The following CMC2 variants were observed in gnomAD, a reference collection of about 807,000 sequenced individuals.
The protein encoded by CMC2 is COX assembly mitochondrial protein 2 homolog.
A neutral mutation model predicts 7.5 loss-of-function variants in CMC2; 5 were observed. That is an observed-to-expected ratio of 0.66 (90% CI 0.35 to 1.40). The LOEUF is 1.40. Among genes scored for constraint, CMC2 ranks in the 40% most tolerant of loss-of-function variants. CMC2 has a pLI of 0.04. For missense variants in CMC2, 115 were observed against 92.3 expected (o/e 1.25, Z -1.01); for synonymous variants, 37 against 31.4 (o/e 1.18, Z -0.60).
rs1006967379 is a variant in CMC2 at position 80,971,887 on chromosome 16, G to C, written c.*4206C>G. ...ACAAAAAAGGTCCTTTACAGGATTT[G>C]GGCAATCTTCCCTTTTGCTCACTTC... is the stretch of plus-strand genomic sequence containing the variant. On this transcript the variant is annotated 3_prime_UTR_variant, in exon 4 of 4. Transcript: ENST00000219400. 1.3e-5 allele frequency: 2 copies of C among 152,084 alleles called. No homozygotes were observed. Among genetic ancestry groups the C allele is most frequent in the African/African-American group, 4.8e-5 (2 of 41,394 alleles). 9.4% of individuals were successfully genotyped at this position (152,084 alleles called of 1,614,324 possible). A position where few individuals can be genotyped will look rare whatever the true frequency, so the allele number is the denominator to read the frequency against.
intron 3 of CMC2, among the ~76,000 whole-genome samples, chr16:80,979,897 T>C (rs940043243): frequency 6.6e-6 from 1 of 152,174 alleles, no homozygotes; most frequent in Non-Finnish European, 1.5e-5. Flanking sequence ...GCTGGGATTA[T>C]AGGCGTGGGC....
chr16:80,972,837 C>A lies in CMC2; in HGVS notation c.*3256G>T, dbSNP rs1178056522. On this transcript the variant is annotated 3_prime_UTR_variant, in exon 4 of 4. Transcript: ENST00000219400. ...GAAAGCCAGACTCCCTAAGAGGACA[C>A]AGATGGTCCTTCGTGATGTGAACCG... The A allele has an allele frequency of 3.9e-5, 6 of 152,280 alleles. No individual in the cohort carries two copies. Among genetic ancestry groups the A allele is most frequent in the Admixed American group, 1.3e-4 (2 of 15,276 alleles). 9.4% of individuals were successfully genotyped at this position (152,280 alleles called of 1,614,324 possible). A position where few individuals can be genotyped will look rare whatever the true frequency, so the allele number is the denominator to read the frequency against.
At chr16:81,006,548 C>A (rs563480587) in intron 1 of CMC2, 186 bp downstream of exon 1, 198 of 263,360 alleles carry the variant, frequency 7.5e-4, no homozygotes, top group South Asian at 5.8e-3. Flanking sequence ...AGCGAGCGCC[C>A]AGCCACCTCG....
At chr16:80,984,341 T>C (rs1967359639) in intron 2 of CMC2, among the ~76,000 whole-genome samples, 1 of 152,236 alleles carries the variant, frequency 6.6e-6, no homozygotes, top group African/African-American at 2.4e-5. Context: ...TCTTTTCCTT[T>C]TCGTTCTAAT....
At chr16:80,997,178 A>C in intron 2 of CMC2, 136 bp downstream of exon 2, 1 of 640,646 alleles carries the variant, frequency 1.6e-6, no homozygotes, top group South Asian at 1.8e-5. Flanking sequence ...GCACATATCA[A>C]CTGCTAATCT....
intron 2 of CMC2, chr16:80,988,499 G>A (rs1400058741): frequency 1.4e-6 from 1 of 690,218 alleles, no homozygotes; most frequent in Non-Finnish European, 2.6e-6. Context: ...TTTCCAAATA[G>A]TAACATTTCA....
chr16:80,993,431 G>A (rs1968164979), intron 2 of CMC2, among the ~76,000 whole-genome samples: 1 of 152,180 alleles, frequency 6.6e-6, no homozygotes, highest in Admixed American at 6.5e-5. Context: ...GAATTTGTGA[G>A]GTAGAGATAA....
intron 3 of CMC2, among the ~76,000 whole-genome samples, chr16:80,978,864 A>AGG: frequency 6.6e-6 from 1 of 152,234 alleles, no homozygotes; most frequent in South Asian, 2.1e-4. Flanking sequence ...GGCGGATAAC[A>AGG]AGCTCAGAAG....
intron 1 of CMC2, among the ~76,000 whole-genome samples, chr16:81,002,027 G>C (rs1199869638): frequency 6.6e-6 from 1 of 152,172 alleles, no homozygotes; most frequent in Non-Finnish European, 1.5e-5. Flanking sequence ...GTTTCATACA[G>C]TTCAGCAATT....
At chr16:80,984,574 A>C (rs1352999794) in intron 2 of CMC2, among the ~76,000 whole-genome samples, 1 of 150,820 alleles carries the variant, frequency 6.6e-6, no homozygotes, top group Non-Finnish European at 1.5e-5. Context: ...TTTGTACTTA[A>C]TTTTTATTTT....
In CMC2 at chr16:80,970,003, T is replaced by C. The variant is rs138703178; in HGVS notation, c.*6090A>G. On this transcript the variant is annotated 3_prime_UTR_variant, in exon 4 of 4. Coordinates refer to ENST00000219400, the MANE Select transcript of CMC2 (RefSeq NM_020188.5). ...GACTAGGGAGATATTAACACAAGAC[T>C]AGCGGTGAGCATTAAGTATGTCTTT... The C allele has an allele frequency of 1.3e-5, 2 of 152,268 alleles. No homozygotes were observed. The highest frequency in any genetic ancestry group is 3.9e-4 in the East Asian group (2 of 5,184). 9.4% of individuals were successfully genotyped at this position (152,268 alleles called of 1,614,324 possible).
chr16:80,982,943 A>G (rs1026539159), intron 2 of CMC2: 3 of 183,738 alleles, frequency 1.6e-5, no homozygotes, highest in Non-Finnish European at 3.3e-5. Flanking sequence ...AAGTAATGAC[A>G]TTACAGGAAA....
At chr16:80,999,579 T>C (rs1776301890) in intron 1 of CMC2, among the ~76,000 whole-genome samples, 1 of 152,144 alleles carries the variant, frequency 6.6e-6, no homozygotes, top group South Asian at 2.1e-4. Context: ...AAAATTCATA[T>C]GGAACCAAAA....
intron 2 of CMC2, among the ~76,000 whole-genome samples, chr16:80,985,842 G>A (rs972857343): frequency 2.1e-5 from 3 of 139,726 alleles, no homozygotes; most frequent in African/African-American, 8.0e-5. Flanking sequence ...AATGCACTAA[G>A]CTCAGCAAAG....
rs563451757 is a variant in CMC2, at chr16:80,966,762, T to A, written c.*9331A>T. 3.9e-5 allele frequency: 6 copies of A among 152,346 alleles called. No homozygotes were observed. The highest frequency in any genetic ancestry group is 1.9e-4 in the East Asian group (1 of 5,188). 9.4% of individuals were successfully genotyped at this position (152,346 alleles called of 1,614,324 possible). On this transcript the variant is annotated 3_prime_UTR_variant, in exon 4 of 4. Coordinates refer to ENST00000219400, the MANE Select transcript of CMC2 (RefSeq NM_020188.5). ...TTGACATGTACTCGAGTTATTTGTT[T>A]CAGCTTGTTTTCAAGTTTTAGGAAT... is the stretch of plus-strand genomic sequence containing the variant.
intron 2 of CMC2, among the ~76,000 whole-genome samples, chr16:80,992,328 A>G (rs567844564): frequency 6.6e-6 from 1 of 152,370 alleles, no homozygotes; most frequent in South Asian, 2.1e-4. Context: ...AACTCTATGC[A>G]TACATTTTTT....
At chr16:80,981,914 T>C in intron 2 of CMC2, 37 bp from the exon 3 acceptor site, 1 of 1,365,534 alleles carries the variant, frequency 7.3e-7, no homozygotes, top group Non-Finnish European at 1.0e-6. Context: ...TTTCATCCCA[T>C]AATATGCCAA....
In CMC2 at chr16:80,973,768, T is replaced by C. The variant is rs1437111589; in HGVS notation, c.*2325A>G. On this transcript the variant is annotated 3_prime_UTR_variant, in exon 4 of 4. Transcript: ENST00000219400. The stretch of plus-strand genomic sequence containing the variant: ...CCCTTCCTAGAGGAAGCTGGAAAGG[T>C]AGATCATTGCCATAGCCTTCAGTGT... 6.6e-6 allele frequency: 1 copy of C among 152,156 alleles called. No homozygotes were observed. The highest frequency in any genetic ancestry group is 2.4e-5 in the African/African-American group (1 of 41,404). The allele number at this position is 152,156 out of a possible 1,614,324, so 9.4% of individuals were successfully genotyped here.
intron 1 of CMC2, among the ~76,000 whole-genome samples, chr16:81,002,529 C>T (rs1271187744): frequency 1.3e-5 from 2 of 152,142 alleles, no homozygotes; most frequent in East Asian, 1.9e-4. Flanking sequence ...TTCTATCAAC[C>T]GGCACTCAAA....
Sources: gnomAD v4.1 joint callset for allele counts (sites outside exome capture counted in the v4.1 genomes callset) on GRCh38, gnomAD v4.1.1 for gene constraint, MANE v1.5 for transcripts, NCBI Gene and HGNC (gene_info 2026-07-23, HGNC 2026-07-21) for gene names.